Variants in PAFAH1B1 observed in about 807,000 individuals in gnomAD.
PAFAH1B1 encodes platelet-activating factor acetylhydrolase IB subunit beta.
PAFAH1B1 carries 2 observed loss-of-function variants against 57.5 expected under a neutral mutation model. The observed-to-expected ratio is 0.03, with a 90% CI of 0.01 to 0.11. PAFAH1B1 has a LOEUF of 0.11. Among genes scored for constraint, PAFAH1B1 ranks in the 10% least tolerant of loss-of-function variants. PAFAH1B1 has a pLI of 1.00. For synonymous variants in PAFAH1B1, 152 were observed against 169.6 expected (o/e 0.90, Z 0.81); for missense variants, 257 against 512.0 (o/e 0.50, Z 4.81).
chr17:2,653,371 TAACA>T (rs1395335619), intron 2 of PAFAH1B1, among the ~76,000 whole-genome samples: 2 of 151,818 alleles, frequency 1.3e-5, no homozygotes, highest in East Asian at 1.9e-4. Flanking sequence ...TATACATATG[TAACA>T]AACCTGCACG....
chr17:2,668,123 A>G (rs999803679), intron 5 of PAFAH1B1, among the ~76,000 whole-genome samples: 31 of 151,320 alleles, frequency 2.0e-4, no homozygotes, highest in South Asian at 1.5e-3. Context: ...TCAGGAGTTC[A>G]AGACCAGCCT....
chr17:2,600,173 T>G (rs1483876826), intron 1 of PAFAH1B1, among the ~76,000 whole-genome samples: 1 of 151,946 alleles, frequency 6.6e-6, no homozygotes. Context: ...AAAGAACTCC[T>G]GGCCTCAAGT....
At chr17:2,673,958 C>T (rs1366332095) in intron 7 of PAFAH1B1, 102 bp from the exon 8 acceptor site, 6 of 804,614 alleles carry the variant, frequency 7.5e-6, no homozygotes, top group Non-Finnish European at 1.1e-5. Context: ...GCATCTCTAA[C>T]TTGGTACCAT....
chr17:2,677,783 G>C (rs1435046571), intron 9 of PAFAH1B1, among the ~76,000 whole-genome samples: 1 of 152,042 alleles, frequency 6.6e-6, no homozygotes, highest in East Asian at 1.9e-4. Context: ...GAACCCGGGA[G>C]GCGGAGCTTG....
chr17:2,594,214 G>A (rs995470138), intron 1 of PAFAH1B1, among the ~76,000 whole-genome samples: 3 of 152,104 alleles, frequency 2.0e-5, no homozygotes, highest in Non-Finnish European at 4.4e-5. Context: ...TGAGAGACCC[G>A]GAGGAGGGGG....
chr17:2,594,800 C>T (rs1161673359), intron 1 of PAFAH1B1, among the ~76,000 whole-genome samples: 2 of 152,252 alleles, frequency 1.3e-5, no homozygotes, highest in Non-Finnish European at 2.9e-5. Flanking sequence ...CTAATCTCAT[C>T]TCCCTGCCCC....
At chr17:2,606,350 T>G (rs760167225) in intron 1 of PAFAH1B1, among the ~76,000 whole-genome samples, 1 of 152,036 alleles carries the variant, frequency 6.6e-6, no homozygotes, top group Non-Finnish European at 1.5e-5. Context: ...GGAAAAAAAG[T>G]GCTTTTTGAG....
rs76667110 is a variant in PAFAH1B1, at chr17:2,595,599, G to T, written c.-191+1593G>T. ...AGCTAGCTTTTAATCTCTAATGGGTGTCTTTTAGGACACAGTTTCACAAAA... is the reference window on the plus strand; with the variant it reads ...AGCTAGCTTTTAATCTCTAATGGGTTTCTTTTAGGACACAGTTTCACAAAA... On this transcript the variant is annotated intron_variant, in intron 1 of 10. Coordinates refer to ENST00000397195, the MANE Select transcript of PAFAH1B1 (RefSeq NM_000430.4). Among the ~76,000 whole-genome samples, 915 of 152,206 alleles carry T rather than the reference G, an allele frequency of 6.0e-3. 17 individuals are homozygous for T. Among genetic ancestry groups the T allele is most frequent in the East Asian group, 0.056 (288 of 5,182 alleles).
intron 1 of PAFAH1B1, among the ~76,000 whole-genome samples, chr17:2,600,609 C>G (rs1473720075): frequency 6.7e-6 from 1 of 148,186 alleles, no homozygotes; most frequent in African/African-American, 2.5e-5. Context: ...AGAATATGTT[C>G]TATGATATAC....
intron 1 of PAFAH1B1, among the ~76,000 whole-genome samples, chr17:2,601,117 T>C (rs1457774014): frequency 6.6e-6 from 1 of 152,180 alleles, no homozygotes; most frequent in Non-Finnish European, 1.5e-5. Flanking sequence ...AACTCATACA[T>C]GAATATTTAT....
In PAFAH1B1 at chr17:2,667,038, C is replaced by T. The variant is rs1020067108; in HGVS notation, c.239C>T (p.Thr80Met). 4.3e-6 allele frequency: 7 copies of T among 1,613,886 alleles called. No individual in the cohort carries two copies. Among genetic ancestry groups the T allele is most frequent in the Non-Finnish European group, 5.1e-6 (6 of 1,179,878 alleles). ...SKLNEAKEEF[T>M]SGGPLGQKRD... ...CTAAATGAAGCAAAAGAAGAATTTA[C>T]GTCAGGTGGACCTCTTGGTCAGAAA... Residue 80 changes from threonine to methionine, a missense_variant, in exon 5 of 11, where the codon ACG becomes ATG. Transcript: ENST00000397195.
intron 2 of PAFAH1B1, among the ~76,000 whole-genome samples, chr17:2,644,623 T>A (rs1380479193): frequency 1.3e-5 from 2 of 152,214 alleles, no homozygotes; most frequent in Non-Finnish European, 2.9e-5. Context: ...TCAACCAGTC[T>A]CCCGTGTTTG....
chr17:2,630,897 A>T (rs1051207260), intron 1 of PAFAH1B1, among the ~76,000 whole-genome samples: 2 of 152,156 alleles, frequency 1.3e-5, no homozygotes, highest in Non-Finnish European at 2.9e-5. Context: ...TAGCCATAAA[A>T]GATTGTTAAA....
chr17:2,615,789 C>G (rs1348175293), intron 1 of PAFAH1B1, among the ~76,000 whole-genome samples: 1 of 152,146 alleles, frequency 6.6e-6, no homozygotes, highest in Non-Finnish European at 1.5e-5. Context: ...TTTGAGCACC[C>G]ATCAACAAAT....
intron 2 of PAFAH1B1, among the ~76,000 whole-genome samples, chr17:2,643,401 G>A (rs2068721974): frequency 6.6e-6 from 1 of 152,056 alleles, no homozygotes. Context: ...TTACAGGCAT[G>A]AGCCACTGCA....
intron 2 of PAFAH1B1, 67 bp downstream of exon 2, chr17:2,638,387 T>TA: frequency 7.6e-7 from 1 of 1,310,136 alleles, no homozygotes; most frequent in Non-Finnish European, 1.1e-6. Context: ...TAAATTAAAA[T>TA]ACAGCTTTGG....
intron 6 of PAFAH1B1, among the ~76,000 whole-genome samples, chr17:2,671,480 G>T (rs2069180441): frequency 6.6e-6 from 1 of 151,762 alleles, no homozygotes; most frequent in African/African-American, 2.4e-5. Flanking sequence ...TGGAATTATA[G>T]GCGTGAGCCA....
chr17:2,670,488 G>A, intron 6 of PAFAH1B1, 157 bp downstream of exon 6: 1 of 685,178 alleles, frequency 1.5e-6, no homozygotes, highest in Non-Finnish European at 2.6e-6. Flanking sequence ...ATAAGCCACA[G>A]TAGTTGAGAG....
chr17:2,621,605 G>GTTTTTTTTTTTT lies in PAFAH1B1; in HGVS notation c.-190-16493_-190-16492insTTTTTTTTTTTT, dbSNP rs2068421993. On this transcript the variant is annotated intron_variant, in intron 1 of 10. Coordinates refer to ENST00000397195, the MANE Select transcript of PAFAH1B1 (RefSeq NM_000430.4). The stretch of plus-strand genomic sequence containing the variant: ...GCTATTCAAGCATGGTAGATAATCT[G>GTTTTTTTTTTTT]TCTTTTTTTTTTTTTTTTTTTTTTT... 1.1e-4 allele frequency among the ~76,000 whole-genome samples: 10 copies of GTTTTTTTTTTTT among 93,208 alleles called. 4 individuals carry two copies. The highest frequency in any genetic ancestry group is 3.8e-4 in the African/African-American group (8 of 21,296). The allele number at this position is 93,208 out of a possible 152,430, so 61.1% of individuals were successfully genotyped here. A position where few individuals can be genotyped will look rare whatever the true frequency, so the allele number is the denominator to read the frequency against.
Sources: allele counts gnomAD v4.1 joint callset (sites outside exome capture counted in the v4.1 genomes callset), GRCh38; gene constraint gnomAD v4.1.1; transcripts MANE v1.5; gene names NCBI Gene and HGNC (gene_info 2026-07-23, HGNC 2026-07-21).